Variants in SRRM3 observed in about 807,000 individuals in gnomAD.
SRRM3 encodes serine/arginine repetitive matrix 3.
In SRRM3, 27 loss-of-function variants were observed where a neutral mutation model predicts 66.2. That is an observed-to-expected ratio of 0.41 (90% CI 0.30 to 0.56). SRRM3 has a LOEUF of 0.56. Ranked by LOEUF, SRRM3 falls within the 20% of genes least tolerant of loss-of-function variation. SRRM3 has a pLI of 0.32. For synonymous variants in SRRM3, 391 were observed against 414.9 expected, an observed-to-expected ratio of 0.94 and a Z score of 0.70; for missense variants, 918 against 991.9, an observed-to-expected ratio of 0.93 and a Z score of 1.00.
At chr7:76,262,516 G>GACA (rs1801902794) in intron 8 of SRRM3, among the ~76,000 whole-genome samples, 1 of 92,760 alleles carries the variant, frequency 1.1e-5, no homozygotes, top group Non-Finnish European at 2.1e-5. Flanking sequence ...CTCTGTCTCA[G>GACA]AAAAAAAAAA....
intron 2 of SRRM3, among the ~76,000 whole-genome samples, chr7:76,244,591 T>A (rs1419881774): frequency 2.7e-5 from 4 of 149,534 alleles, no homozygotes; most frequent in Non-Finnish European, 5.9e-5. Flanking sequence ...CAACCAGACC[T>A]CCTGACTCAT....
At chr7:76,283,957 T>C (rs1242595591) in intron 14 of SRRM3, 1 of 432,480 alleles carries the variant, frequency 2.3e-6, no homozygotes, top group Non-Finnish European at 3.1e-6. Flanking sequence ...CTGGGCAGCC[T>C]TGGGAGATCG....
Position 76,267,267 on chromosome 7 carries a change from C to T in SRRM3, c.840C>T (p.Pro280=). 1 of 1,551,758 alleles carries T rather than the reference C, an allele frequency of 6.4e-7. No homozygotes were observed. The highest frequency in any genetic ancestry group is 2.1e-5 in the Admixed American group (1 of 48,600). ...SDSRSPSRLS[P]KHRDEGRKTG... ...TGGCGCCTAACCCCAGGCTGAGCCC[C>T]AAGCACCGAGACGAAGGGCGAAAGA... The change falls in exon 11 of 15, where the codon CCC becomes CCT. Residue 280 remains proline, a synonymous_variant. Coordinates refer to ENST00000611745, the MANE Select transcript of SRRM3 (RefSeq NM_001110199.3).
intron 6 of SRRM3, 110 bp from the exon 7 acceptor site, chr7:76,261,242 T>G: frequency 1.2e-6 from 1 of 857,780 alleles, no homozygotes. Flanking sequence ...CTTCCTGGCC[T>G]GGAATTCCCT....
At position 76,261,560 on chromosome 7, in the gene SRRM3, C is replaced by T. The variant is rs782414711; in HGVS notation, c.653C>T (p.Ser218Phe). 6.2e-7 allele frequency: 1 copy of T among 1,612,046 alleles called. No homozygotes were observed. ...TCGCCCTACAGGTCTGATTCTGGGTCCCGGAGGAAGAGACGGCACAGGTGA... is the reference window on the plus strand; with the variant it reads ...TCGCCCTACAGGTCTGATTCTGGGTTCCGGAGGAAGAGACGGCACAGGTGA... ...KHRRDRSDSG[S>F]RRKRRHRSRS... The change falls in exon 8 of 15, where the codon TCC becomes TTC. Residue 218 changes from serine (S) to phenylalanine (F), a missense_variant. Physicochemically the swap from Ser to Phe is radical, Grantham distance 155. Transcript: ENST00000611745.
intron 3 of SRRM3, among the ~76,000 whole-genome samples, chr7:76,255,140 C>CTTTTTTTTT (rs1583913378): frequency 4.1e-5 from 4 of 97,174 alleles, no homozygotes; most frequent in African/African-American, 1.5e-4. Context: ...TTCTTTCTTT[C>CTTTTTTTTT]TTTCTTTCTT....
At position 76,253,891 on chromosome 7, in the gene SRRM3, C is replaced by A. The variant is rs761456215; in HGVS notation, c.335+5602C>A. Among the ~76,000 whole-genome samples, 117 of 151,808 alleles carry A rather than the reference C, an allele frequency of 7.7e-4. 1 individual carries two copies. Among genetic ancestry groups the A allele is most frequent in the Non-Finnish European group, 5.9e-5 (4 of 67,958 alleles). On this transcript the variant is annotated intron_variant, in intron 3 of 14. Transcript: ENST00000611745. Reference sequence around the variant, plus strand: ...GATTCTAACCCTGGGAGTTCCCACACAGCACAAAGCCAGTAAAGGAAGCCT... The same window carrying A: ...GATTCTAACCCTGGGAGTTCCCACAAAGCACAAAGCCAGTAAAGGAAGCCT...
intron 2 of SRRM3, among the ~76,000 whole-genome samples, chr7:76,245,930 T>C (rs1202729176): frequency 5.3e-5 from 8 of 152,080 alleles, no homozygotes; most frequent in African/African-American, 1.9e-4. Context: ...ACTCCTGACC[T>C]CAGGTGATCT....
At chr7:76,269,177 G>A (rs1316770091) in intron 11 of SRRM3, 1 of 152,306 alleles carries the variant, frequency 6.6e-6, no homozygotes, top group Non-Finnish European at 1.5e-5. Flanking sequence ...TGGGGCGGGA[G>A]CTTCTGAAGC....
intron 1 of SRRM3, among the ~76,000 whole-genome samples, chr7:76,215,546 C>T (rs114650469): frequency 8.7e-5 from 13 of 149,978 alleles, no homozygotes; most frequent in East Asian, 3.9e-4. Context: ...GGACTACAGG[C>T]GTGCACTACT....
intron 1 of SRRM3, among the ~76,000 whole-genome samples, chr7:76,202,804 C>G (rs1474903008): frequency 1.3e-5 from 2 of 152,134 alleles, no homozygotes; most frequent in Admixed American, 6.6e-5. Flanking sequence ...TCCGCCTCCC[C>G]CTCCCTCCCA....
chr7:76,207,316 C>T (rs896910030), intron 1 of SRRM3, among the ~76,000 whole-genome samples: 1 of 150,988 alleles, frequency 6.6e-6, no homozygotes, highest in African/African-American at 2.4e-5. Flanking sequence ...GAAGAAAACA[C>T]AGAGAAAGAG....
intron 1 of SRRM3, among the ~76,000 whole-genome samples, chr7:76,204,378 T>C (rs890310161): frequency 3.3e-5 from 5 of 152,186 alleles, no homozygotes; most frequent in African/African-American, 2.4e-5. Flanking sequence ...TAACTTCGTA[T>C]ACATGATCTC....
intron 1 of SRRM3, 162 bp from the exon 2 acceptor site, chr7:76,234,866 C>T: frequency 1.7e-6 from 1 of 574,932 alleles, no homozygotes; most frequent in Non-Finnish European, 3.0e-6. Context: ...AGGTGTGACC[C>T]AAAGGTGCAA....
intron 2 of SRRM3, among the ~76,000 whole-genome samples, chr7:76,237,597 A>G (rs1801182826): frequency 6.6e-6 from 1 of 151,994 alleles, no homozygotes. Flanking sequence ...AAACAAACAC[A>G]CAAACAAAAC....
At chr7:76,238,885 C>T (rs1801212846) in intron 2 of SRRM3, among the ~76,000 whole-genome samples, 1 of 151,646 alleles carries the variant, frequency 6.6e-6, no homozygotes, top group Admixed American at 6.6e-5. Context: ...TGGTCTTGAA[C>T]TCCTGACCTC....
chr7:76,282,753 C>G lies in SRRM3; in HGVS notation c.1476C>G (p.Pro492=). Residue 492 remains proline (P), a synonymous_variant, in exon 13 of 15, where the codon CCC becomes CCG. Transcript: ENST00000611745. ...AAGGGAAGAGCTCGTCGCGCAGCCC[C>G]GGCCCGCACCCCCGCTCCTGGAGCT... ...GPEGKSSSRS[P]GPHPRSWSSS... is the part of the protein sequence containing the mutation. The G allele has an allele frequency of 6.8e-7, 1 of 1,464,636 alleles. No individual in the cohort carries two copies. Among genetic ancestry groups the G allele is most frequent in the Non-Finnish European group, 9.0e-7 (1 of 1,114,294 alleles). 90.7% of individuals were successfully genotyped at this position (1,464,636 alleles called of 1,614,324 possible).
At chr7:76,206,668 T>C (rs565741195) in intron 1 of SRRM3, among the ~76,000 whole-genome samples, 45 of 152,324 alleles carry the variant, frequency 3.0e-4, no homozygotes, top group African/African-American at 1.0e-3. Flanking sequence ...CCTCACTGAC[T>C]GTTAGCCTAG....
At chr7:76,209,875 A>C (rs1219107638) in intron 1 of SRRM3, among the ~76,000 whole-genome samples, 1 of 152,108 alleles carries the variant, frequency 6.6e-6, no homozygotes, top group African/African-American at 2.4e-5. Flanking sequence ...CAAAGTGCTG[A>C]GATTACAGGC....
Sources: allele counts gnomAD v4.1 joint callset (sites outside exome capture counted in the v4.1 genomes callset), GRCh38; gene constraint gnomAD v4.1.1; transcripts MANE v1.5; gene names NCBI Gene and HGNC (gene_info 2026-07-23, HGNC 2026-07-21).